The following DRG1 variants were observed in gnomAD, a reference collection of about 807,000 sequenced individuals.
The protein encoded by DRG1 is developmentally regulated GTP binding protein 1.
In DRG1, 19 loss-of-function variants were observed where a neutral mutation model predicts 38.8. The ratio of observed to expected loss-of-function variants is 0.49; its 90% CI spans 0.34 to 0.72. The LOEUF is 0.72. DRG1 is among the 30% of genes least tolerant of loss of function. The probability of loss-of-function intolerance (pLI) is 0.01; values close to 1 mark genes in which losing one functional copy is unlikely to be tolerated. For missense variants in DRG1, 299 were observed against 444.8 expected (o/e 0.67, Z 2.95); for synonymous variants, 167 against 157.5 (o/e 1.06, Z -0.45).
chr22:31,429,654 C>CTT (rs695526), intron 8 of DRG1, among the ~76,000 whole-genome samples: 59 of 144,126 alleles, frequency 4.1e-4, no homozygotes, highest in African/African-American at 1.3e-3. Context: ...TGATAAGCTC[C>CTT]TTTTTTTTTT....
chr22:31,408,621 C>T (rs987637622), intron 3 of DRG1, among the ~76,000 whole-genome samples: 12 of 151,732 alleles, frequency 7.9e-5, no homozygotes, highest in East Asian at 5.9e-4. Context: ...GGCATGGTGG[C>T]GAGCACCTGT....
intron 8 of DRG1, among the ~76,000 whole-genome samples, chr22:31,427,727 G>A (rs1338675160): frequency 2.6e-5 from 4 of 151,918 alleles, no homozygotes; most frequent in East Asian, 1.9e-4. Context: ...CATTATACCC[G>A]GCTAATTTTT....
In DRG1 at chr22:31,434,266, G is replaced by C; in HGVS notation, c.*295G>C. Reference sequence around the variant, plus strand: ...TATACGGTGAAGCAGCTACAGAAGGGATCCTTGGGAACTTCATCTTGAGTG... The same window carrying C: ...TATACGGTGAAGCAGCTACAGAAGGCATCCTTGGGAACTTCATCTTGAGTG... On this transcript the variant is annotated 3_prime_UTR_variant, in exon 9 of 9. Transcript: ENST00000331457. 3.5e-6 allele frequency: 1 copy of C among 284,070 alleles called. No individual in the cohort carries two copies. The highest frequency in any genetic ancestry group is 6.7e-6 in the Non-Finnish European group (1 of 149,100). 17.6% of individuals were successfully genotyped at this position (284,070 alleles called of 1,614,324 possible). A position where few individuals can be genotyped will look rare whatever the true frequency, so the allele number is the denominator to read the frequency against.
chr22:31,416,032 G>T (rs1193087158), intron 4 of DRG1, among the ~76,000 whole-genome samples: 1 of 152,096 alleles, frequency 6.6e-6, no homozygotes. Context: ...TAAGAAGTCA[G>T]ATCAGTCCAG....
chr22:31,400,477 A>C, intron 1 of DRG1, 143 bp from the exon 2 acceptor site: 1 of 977,274 alleles, frequency 1.0e-6, no homozygotes, highest in Non-Finnish European at 1.5e-6. Flanking sequence ...AGCTGGATGG[A>C]GGAGATAATG....
intron 8 of DRG1, among the ~76,000 whole-genome samples, chr22:31,432,540 C>T (rs1320291008): frequency 1.3e-5 from 2 of 152,018 alleles, no homozygotes; most frequent in African/African-American, 4.8e-5. Context: ...ATTCTCCTGC[C>T]TCAGCCTCCC....
intron 2 of DRG1, among the ~76,000 whole-genome samples, chr22:31,401,082 T>G (rs2145856598): frequency 6.6e-6 from 1 of 152,298 alleles, no homozygotes; most frequent in African/African-American, 2.4e-5. Context: ...GAATATTGTC[T>G]AAGTGTACTG....
chr22:31,406,251 C>T (rs1038375112), intron 3 of DRG1, among the ~76,000 whole-genome samples: 23 of 152,196 alleles, frequency 1.5e-4, no homozygotes, highest in East Asian at 1.9e-4. Context: ...CTGCCTGCCT[C>T]GACCTCCCAA....
chr22:31,407,164 A>G (rs773161613), intron 3 of DRG1, among the ~76,000 whole-genome samples: 6 of 152,062 alleles, frequency 3.9e-5, no homozygotes, highest in African/African-American at 9.7e-5. Context: ...TCCTCCATCA[A>G]TTGGTTATGG....
rs1463245063 is a variant in DRG1, at chr22:31,423,383, A to T, written c.686A>T (p.Asp229Val). Reference sequence around the variant, plus strand: ...CTACGTAGTGATGCTACAGCTGATGACCTCATTGATGTGGTGGAAGGAAAC... The same window carrying T: ...CTACGTAGTGATGCTACAGCTGATGTCCTCATTGATGTGGTGGAAGGAAAC... Reference protein sequence around the residue: ...VTLRSDATADDLIDVVEGNRV... With the variant: ...VTLRSDATADVLIDVVEGNRV... Residue 229 changes from aspartate to valine, a missense_variant, in exon 6 of 9, where the codon GAC becomes GTC. Physicochemically the swap from Asp to Val is radical, Grantham distance 152. Around this residue, in one of 3 missense-constraint regions of DRG1, gnomAD observed 198 missense variants for 268.1 expected, o/e 0.74. Transcript: ENST00000331457. 1.2e-6 allele frequency: 2 copies of T among 1,614,034 alleles called. No homozygotes were observed. The highest frequency in any genetic ancestry group is 1.1e-5 in the South Asian group (1 of 91,080).
chr22:31,422,475 T>C (rs1379424537), intron 5 of DRG1, among the ~76,000 whole-genome samples: 1 of 151,960 alleles, frequency 6.6e-6, no homozygotes, highest in Non-Finnish European at 1.5e-5. Context: ...AAATAAGACT[T>C]CTTAGACCAA....
intron 4 of DRG1, among the ~76,000 whole-genome samples, chr22:31,416,814 A>G (rs534227356): frequency 4.0e-5 from 6 of 151,796 alleles, no homozygotes; most frequent in Non-Finnish European, 7.4e-5. Context: ...GAGGCAGGAG[A>G]ATCGCTTGAA....
At chr22:31,422,362 C>T (rs529407457) in intron 5 of DRG1, among the ~76,000 whole-genome samples, 53 of 149,010 alleles carry the variant, frequency 3.6e-4, no homozygotes, top group African/African-American at 1.3e-3. Context: ...ACCCAGGAGG[C>T]GGAGGTTGCA....
intron 3 of DRG1, 147 bp downstream of exon 3, chr22:31,403,351 A>C: frequency 1.1e-6 from 1 of 889,154 alleles, no homozygotes; most frequent in Non-Finnish European, 1.6e-6. Flanking sequence ...GTACGATAAT[A>C]AAATGGGATA....
In DRG1 at chr22:31,420,244, C is replaced by T. The variant is rs1185344042; in HGVS notation, c.413-12C>T. On this transcript the variant is annotated splice_polypyrimidine_tract_variant and intron_variant, in intron 4 of 8. Coordinates refer to ENST00000331457, the MANE Select transcript of DRG1 (RefSeq NM_004147.4). ...TGAACTTTCTTGCGTATGTTTTTTT[C>T]TTACTCTTCAGTGGCCCGAACCTGT... is the stretch of plus-strand genomic sequence containing the variant. 6.2e-7 allele frequency: 1 copy of T among 1,605,196 alleles called. No individual in the cohort carries two copies. Among genetic ancestry groups the T allele is most frequent in the Admixed American group, 1.7e-5 (1 of 58,230 alleles).
intron 4 of DRG1, among the ~76,000 whole-genome samples, chr22:31,412,936 C>T (rs1187383916): frequency 6.6e-6 from 1 of 151,798 alleles, no homozygotes; most frequent in Non-Finnish European, 1.5e-5. Flanking sequence ...ATTTCCATCT[C>T]CCTTTCCTGG....
chr22:31,427,066 C>T lies in DRG1; in HGVS notation c.888C>T (p.Thr296=). The change falls in exon 8 of 9, where the codon ACC becomes ACT. Residue 296 remains threonine (T), a synonymous_variant. Transcript: ENST00000331457. ...TATGCCCTCTCTATTCTAGTTACACCAAACCCAAAGGCCAGTTACCAGATT... is the reference window on the plus strand; with the variant it reads ...TATGCCCTCTCTATTCTAGTTACACTAAACCCAAAGGCCAGTTACCAGATT... The part of the protein sequence containing the change: ...WDYLKLVRIY[T]KPKGQLPDYT... 1.2e-6 allele frequency: 2 copies of T among 1,613,900 alleles called. No individual in the cohort carries two copies. Among genetic ancestry groups the T allele is most frequent in the Middle Eastern group, 1.7e-4 (1 of 6,056 alleles).
intron 4 of DRG1, among the ~76,000 whole-genome samples, chr22:31,417,046 A>G (rs2050048239): frequency 6.7e-6 from 1 of 150,032 alleles, no homozygotes; most frequent in African/African-American, 2.4e-5. Context: ...CCTGGGCAGC[A>G]CACAGACACC....
chr22:31,422,690 CGTCTT>C (rs1323194821), intron 5 of DRG1, among the ~76,000 whole-genome samples: 7 of 152,152 alleles, frequency 4.6e-5, no homozygotes, highest in African/African-American at 1.7e-4. Context: ...CCCATTATCC[CGTCTT>C]AATATTCAAA....
Sources: allele counts gnomAD v4.1 joint callset (sites outside exome capture counted in the v4.1 genomes callset), GRCh38; gene constraint gnomAD v4.1.1; regional missense constraint gnomAD v4.1.1; transcripts MANE v1.5; gene names NCBI Gene and HGNC (gene_info 2026-07-23, HGNC 2026-07-21).